Variants in TCF7 observed in about 807,000 individuals in gnomAD.
TCF7 encodes the protein T-cell-factor-7.
Under a neutral mutation model 46.8 loss-of-function variants are expected in TCF7, and 19 were observed. The observed-to-expected ratio is 0.41, with a 90% confidence interval of 0.28 to 0.60. The LOEUF is 0.60. TCF7 is among the 20% of genes least tolerant of loss of function. The pLI, the probability that TCF7 is intolerant of heterozygous loss-of-function variation, is 0.35. For missense variants in TCF7, 547 were observed against 504.6 expected (o/e 1.08, Z -0.81); for synonymous variants, 245 against 213.4 (o/e 1.15, Z -1.29).
At chr5:134,142,359 C>T in intron 6 of TCF7, 55 bp downstream of exon 6, 2 of 1,520,858 alleles carry the variant, frequency 1.3e-6, no homozygotes, top group South Asian at 1.3e-5. Flanking sequence ...ACACATGCCT[C>T]CCCACCAGGC....
At chr5:134,116,947 G>C (rs1288640968) in intron 3 of TCF7, among the ~76,000 whole-genome samples, 1 of 152,232 alleles carries the variant, frequency 6.6e-6, no homozygotes, top group Non-Finnish European at 1.5e-5. Context: ...GGGGCTGGCA[G>C]GCTGGAGGCT....
chr5:134,114,270 C>T (rs1755489230), upstream of TCF7, among the ~76,000 whole-genome samples: 1 of 152,112 alleles, frequency 6.6e-6, no homozygotes, highest in South Asian at 2.1e-4. Flanking sequence ...CCTCAAGCAG[C>T]CTCAAGCCCT....
At chr5:134,119,343 A>G (rs1043655254) in intron 3 of TCF7, among the ~76,000 whole-genome samples, 1 of 152,202 alleles carries the variant, frequency 6.6e-6, no homozygotes, top group Non-Finnish European at 1.5e-5. Context: ...AGAGGGGCCC[A>G]GGGAGCGACT....
intron 3 of TCF7, among the ~76,000 whole-genome samples, chr5:134,117,204 G>A (rs916263193): frequency 4.6e-5 from 7 of 152,200 alleles, no homozygotes; most frequent in Non-Finnish European, 7.3e-5. Context: ...CTCTGTATCC[G>A]ACTTTCTGCT....
chr5:134,116,189 G>C lies in TCF7; in HGVS notation c.441+156G>C, dbSNP rs1447296301. On this transcript the variant is annotated intron_variant, in intron 3 of 9. Transcript: ENST00000342854. Reference sequence around the variant, plus strand: ...ACACCCGGTGGGATCTGAACCAAAAGGAGAACTTTGCTGAAGGAAGGAGGG... The same window carrying C: ...ACACCCGGTGGGATCTGAACCAAAACGAGAACTTTGCTGAAGGAAGGAGGG... 62 of 1,406,416 alleles carry C rather than the reference G, an allele frequency of 4.4e-5. No homozygotes were observed. In the Admixed American group the frequency reaches 4.4e-4, roughly 10 times the overall value. 87.1% of individuals were successfully genotyped at this position (1,406,416 alleles called of 1,614,324 possible). A position where few individuals can be genotyped will look rare whatever the true frequency, so the allele number is the denominator to read the frequency against.
At chr5:134,141,943 T>C (rs962960796) in intron 5 of TCF7, 8 of 421,554 alleles carry the variant, frequency 1.9e-5, no homozygotes, top group Non-Finnish European at 3.3e-5. Context: ...CAAAAGCTAC[T>C]TGGGACCTAT....
chr5:134,127,087 A>G (rs1757449634), intron 3 of TCF7, among the ~76,000 whole-genome samples: 1 of 152,162 alleles, frequency 6.6e-6, no homozygotes, highest in Admixed American at 6.5e-5. Flanking sequence ...TTGCTGTACA[A>G]TGTGTGGAGA....
chr5:134,135,473 TG>T (rs777148703), intron 3 of TCF7, among the ~76,000 whole-genome samples: 5 of 152,090 alleles, frequency 3.3e-5, no homozygotes, highest in African/African-American at 7.2e-5. Flanking sequence ...GAGGAAGTGG[TG>T]GGATTCTAGA....
At position 134,146,630 on chromosome 5, in the gene TCF7, A is replaced by T. The variant is rs1383588497; in HGVS notation, c.*327A>T. 1 of 667,416 alleles carries T rather than the reference A, an allele frequency of 1.5e-6. No homozygotes were observed. The highest frequency in any genetic ancestry group is 1.8e-5 in the African/African-American group (1 of 54,428). The allele number at this position is 667,416 out of a possible 1,614,324, so 41.3% of individuals were successfully genotyped here. On this transcript the variant is annotated 3_prime_UTR_variant, in exon 10 of 10. Transcript: ENST00000342854. ...TCCTGTTAACGTCATCTCAGGGTCC[A>T]GACCCTGAAGATTTCAGAGGCTGCA...
intron 3 of TCF7, among the ~76,000 whole-genome samples, chr5:134,117,489 A>C: frequency 6.6e-6 from 1 of 152,234 alleles, no homozygotes; most frequent in Admixed American, 6.5e-5. Context: ...TGATTAGACA[A>C]AAGGCCTAGG....
At chr5:134,139,721 T>C (rs1048295671) in intron 5 of TCF7, 1 of 152,400 alleles carries the variant, frequency 6.6e-6, no homozygotes, top group Non-Finnish European at 1.5e-5. Context: ...CGCAGGTCTC[T>C]AGCCTATTTC....
intron 8 of TCF7, 138 bp from the exon 9 acceptor site, chr5:134,143,454 A>T (rs1760185051): frequency 9.9e-7 from 1 of 1,006,780 alleles, no homozygotes; most frequent in African/African-American, 1.6e-5. Flanking sequence ...AAGACCAGCA[A>T]TCAAGAAACA....
At chr5:134,135,996 G>GGTGGAA (rs1003689400) in intron 3 of TCF7, among the ~76,000 whole-genome samples, 54 of 152,298 alleles carry the variant, frequency 3.5e-4, no homozygotes, top group African/African-American at 1.3e-3. Context: ...AGTTCAGGAT[G>GGTGGAA]GTGGAAGTCA....
chr5:134,112,816 C>T (rs1258093100), upstream of TCF7, among the ~76,000 whole-genome samples: 6 of 152,152 alleles, frequency 3.9e-5, no homozygotes, highest in Admixed American at 3.9e-4. Flanking sequence ...AAGAACCTCA[C>T]TGTTGTTGTG....
At chr5:134,116,135 G>C (rs1444915838) in intron 3 of TCF7, 102 bp downstream of exon 3, 1 of 1,472,464 alleles carries the variant, frequency 6.8e-7, no homozygotes. Flanking sequence ...AAATAGACGA[G>C]ACTCCTGTGC....
At chr5:134,133,322 A>C (rs1039713295) in intron 3 of TCF7, among the ~76,000 whole-genome samples, 31 of 152,288 alleles carry the variant, frequency 2.0e-4, no homozygotes, top group African/African-American at 7.2e-4. Flanking sequence ...AAGAGAGATG[A>C]AGGTGTGCCA....
upstream of TCF7, among the ~76,000 whole-genome samples, chr5:134,114,421 G>A (rs1253791997): frequency 6.6e-6 from 1 of 152,200 alleles, no homozygotes; most frequent in African/African-American, 2.4e-5. Context: ...AGAAACCTGG[G>A]CGCAGAAAGC....
chr5:134,133,831 T>TA, intron 3 of TCF7, among the ~76,000 whole-genome samples: 1 of 152,298 alleles, frequency 6.6e-6, no homozygotes, highest in East Asian at 1.9e-4. Context: ...GGAAGGCTGA[T>TA]AGACAGAATG....
chr5:134,123,407 A>T (rs758139728), intron 3 of TCF7, among the ~76,000 whole-genome samples: 4 of 152,172 alleles, frequency 2.6e-5, no homozygotes, highest in Non-Finnish European at 5.9e-5. Flanking sequence ...GGAGACAAAG[A>T]GACTTTCACT....
Sources: allele counts gnomAD v4.1 joint callset (sites outside exome capture counted in the v4.1 genomes callset), GRCh38; gene constraint gnomAD v4.1.1; transcripts MANE v1.5; gene names NCBI Gene and HGNC (gene_info 2026-07-23, HGNC 2026-07-21).